FRK: variants seen among roughly 807,000 people sequenced by gnomAD.
FRK encodes the protein fyn related Src family tyrosine kinase, also known as tyrosine-protein kinase FRK.
A neutral mutation model predicts 56.4 loss-of-function variants in FRK; 51 were observed. The ratio of observed to expected loss-of-function variants is 0.90; its 90% CI spans 0.72 to 1.14. The LOEUF (loss-of-function observed/expected upper bound fraction) is 1.14. Ranked by LOEUF, FRK falls within the 50% of genes most tolerant of loss-of-function variation. FRK has a pLI of 0.00. For synonymous variants in FRK, 245 were observed against 217.9 expected (o/e 1.12, Z -1.10); for missense variants, 570 against 601.4 (o/e 0.95, Z 0.55).
chr6:115,968,403 T>A (rs1229955460), intron 3 of FRK, among the ~76,000 whole-genome samples, 173 bp downstream of exon 3: 1 of 152,168 alleles, frequency 6.6e-6, no homozygotes, highest in East Asian at 1.9e-4. Flanking sequence ...AAAACTTATT[T>A]ACAAAAACAA....
Position 115,959,125 on chromosome 6 carries a change from A to G in FRK, c.800-2515T>C, listed in dbSNP as rs1425830064. ...CATTAAATATTAATTTTTGCCTGTCAAAGCTACTGTGGGAGTTCATTTCAG... is the reference window on the plus strand; with the variant it reads ...CATTAAATATTAATTTTTGCCTGTCGAAGCTACTGTGGGAGTTCATTTCAG... On this transcript the variant is annotated intron_variant, in intron 4 of 7. Coordinates refer to ENST00000606080, the MANE Select transcript of FRK (RefSeq NM_002031.3). 2.0e-5 allele frequency among the ~76,000 whole-genome samples: 3 copies of G among 152,230 alleles called. No individual in the cohort carries two copies. In the East Asian group the frequency reaches 5.8e-4, roughly 29 times the overall value.
At position 116,057,867 on chromosome 6, in the gene FRK, C is replaced by T. The variant is rs114851820; in HGVS notation, c.344+2101G>A. ...AATTAATAAGAACACTGCTCTCAAG[C>T]CTTTTACCCAGAATATGATACCTTC... On this transcript the variant is annotated intron_variant, in intron 1 of 7. Transcript: ENST00000606080. Among the ~76,000 whole-genome samples the T allele has an allele frequency of 8.2e-3, 1,241 of 152,230 alleles. 19 individuals carry two copies. Among genetic ancestry groups the T allele is most frequent in the African/African-American group, 0.029 (1,193 of 41,544 alleles).
At chr6:116,039,624 T>C in intron 1 of FRK, 1 of 761,088 alleles carries the variant, frequency 1.3e-6, no homozygotes, top group Non-Finnish European at 2.4e-6. Context: ...TCATCCAAAC[T>C]GTACCTTCCT....
chr6:115,983,041 C>T (rs937151616), intron 2 of FRK, among the ~76,000 whole-genome samples: 2 of 149,810 alleles, frequency 1.3e-5, no homozygotes, highest in South Asian at 4.3e-4. Flanking sequence ...CACTGCACTC[C>T]AGCCTGGGCA....
At chr6:115,991,594 C>T (rs1351470675) in intron 2 of FRK, among the ~76,000 whole-genome samples, 4 of 151,730 alleles carry the variant, frequency 2.6e-5, no homozygotes, top group Non-Finnish European at 5.9e-5. Context: ...TATGTTGAAT[C>T]ATCCTCCATT....
At chr6:115,976,808 C>T (rs1402830407) in intron 2 of FRK, among the ~76,000 whole-genome samples, 1 of 151,998 alleles carries the variant, frequency 6.6e-6, no homozygotes, top group Non-Finnish European at 1.5e-5. Flanking sequence ...TGTCATTGTT[C>T]ACAAAGGATG....
chr6:115,967,134 C>G (rs867887724), intron 4 of FRK, among the ~76,000 whole-genome samples: 1 of 152,148 alleles, frequency 6.6e-6, no homozygotes, highest in Non-Finnish European at 1.5e-5. Context: ...TTTAGATGGA[C>G]CATTTTGCCT....
At chr6:115,974,115 G>T (rs1451395377) in intron 2 of FRK, among the ~76,000 whole-genome samples, 1 of 152,122 alleles carries the variant, frequency 6.6e-6, no homozygotes. Flanking sequence ...AATTGGAAAT[G>T]ATGGGAAGCA....
chr6:116,043,790 A>C (rs535675666), intron 1 of FRK, among the ~76,000 whole-genome samples: 1 of 152,322 alleles, frequency 6.6e-6, no homozygotes, highest in African/African-American at 2.4e-5. Context: ...AAAATCAATG[A>C]ATCCAGGAAG....
chr6:115,980,713 C>T (rs1340014576), intron 2 of FRK, among the ~76,000 whole-genome samples: 1 of 152,136 alleles, frequency 6.6e-6, no homozygotes, highest in Non-Finnish European at 1.5e-5. Context: ...GCTGAAGACA[C>T]TGTCTGGTAT....
intron 2 of FRK, among the ~76,000 whole-genome samples, chr6:115,997,263 T>C (rs1774875878): frequency 1.3e-5 from 2 of 152,170 alleles, no homozygotes; most frequent in Admixed American, 6.5e-5. Context: ...TGCTTATTTT[T>C]CCATTAAACT....
At chr6:116,066,000 T>C in the FRK span, among the ~76,000 whole-genome samples, 3 of 152,148 alleles carry the variant, frequency 2.0e-5, no homozygotes, top group Non-Finnish European at 2.9e-5. Context: ...GTCCTATGCA[T>C]AGGAAGTCTC....
chr6:115,971,279 C>G (rs145802058), intron 2 of FRK, among the ~76,000 whole-genome samples: 1 of 152,134 alleles, frequency 6.6e-6, no homozygotes, highest in South Asian at 2.1e-4. Context: ...GTAACATACA[C>G]GTAGAATATT....
chr6:116,095,236 C>T, the FRK span, among the ~76,000 whole-genome samples: 13 of 152,316 alleles, frequency 8.5e-5, no homozygotes, highest in Admixed American at 3.3e-4. Flanking sequence ...TAAGGGAAAA[C>T]GACACCATGG....
In FRK at chr6:115,994,328, C is replaced by G. The variant is rs977149310; in HGVS notation, c.466+9549G>C. ...GGTATCCAGAATCTCACAACCTCCC[C>G]CCCCCCCGCCTTTTTTTTGTCATTA... is the stretch of plus-strand genomic sequence containing the variant. On this transcript the variant is annotated intron_variant, in intron 2 of 7. Transcript: ENST00000606080. 1.2e-4 allele frequency among the ~76,000 whole-genome samples: 12 copies of G among 103,630 alleles called. 3 individuals carry two copies. Among genetic ancestry groups the G allele is most frequent in the East Asian group, 2.5e-4 (1 of 3,924 alleles). 68.0% of individuals were successfully genotyped at this position (103,630 alleles called of 152,430 possible). A position where few individuals can be genotyped will look rare whatever the true frequency, so the allele number is the denominator to read the frequency against.
chr6:116,041,943 G>A (rs984889810), intron 1 of FRK, among the ~76,000 whole-genome samples: 4 of 152,204 alleles, frequency 2.6e-5, no homozygotes, highest in South Asian at 2.1e-4. Context: ...GGATCCCAGT[G>A]GTCTAGCTCA....
chr6:116,048,386 T>C (rs1777056842), intron 1 of FRK, among the ~76,000 whole-genome samples: 1 of 152,180 alleles, frequency 6.6e-6, no homozygotes, highest in Admixed American at 6.6e-5. Flanking sequence ...GGTCCCAAGT[T>C]ACATTTTTTG....
intron 2 of FRK, among the ~76,000 whole-genome samples, chr6:115,995,336 A>C (rs1380886826): frequency 1.3e-5 from 2 of 152,168 alleles, no homozygotes; most frequent in South Asian, 2.1e-4. Flanking sequence ...AAATGAAAAA[A>C]TCAAGGGGGT....
chr6:116,046,715 G>A (rs1310975085), intron 1 of FRK, among the ~76,000 whole-genome samples: 1 of 152,038 alleles, frequency 6.6e-6, no homozygotes, highest in African/African-American at 2.4e-5. Flanking sequence ...AACAACCATG[G>A]CACGTGTATA....
Sources: allele counts gnomAD v4.1 joint callset (sites outside exome capture counted in the v4.1 genomes callset), GRCh38; gene constraint gnomAD v4.1.1; transcripts MANE v1.5; gene names NCBI Gene and HGNC (gene_info 2026-07-23, HGNC 2026-07-21).